The following HABP2 variants were observed in gnomAD, a reference collection of about 807,000 sequenced individuals.
HABP2 encodes hyaluronan binding protein 2, also known as factor VII-activating protease.
Under a neutral mutation model 66.5 loss-of-function variants are expected in HABP2, and 65 were observed. The observed-to-expected ratio is 0.98, with a 90% confidence interval of 0.80 to 1.20. The LOEUF (loss-of-function observed/expected upper bound fraction) is 1.20, where lower values mean the gene tolerates loss of function less well. HABP2 is among the 50% of genes most tolerant of loss of function. The pLI is 0.00. For missense variants in HABP2, 786 were observed against 691.0 expected (o/e 1.14, Z -1.54); for synonymous variants, 263 against 253.9 (o/e 1.04, Z -0.34).
At chr10:113,576,525 C>T (rs558667586) in intron 4 of HABP2, among the ~76,000 whole-genome samples, 1 of 152,292 alleles carries the variant, frequency 6.6e-6, no homozygotes, top group East Asian at 1.9e-4. Context: ...CCAGTGAACT[C>T]TTGTGGGCAT....
upstream of HABP2, among the ~76,000 whole-genome samples, chr10:113,551,537 G>A (rs1481723514): frequency 1.3e-5 from 2 of 152,192 alleles, no homozygotes; most frequent in Non-Finnish European, 2.9e-5. Flanking sequence ...CAGGCGCAGT[G>A]GCTTATGCCT....
intron 10 of HABP2, among the ~76,000 whole-genome samples, chr10:113,583,888 C>A (rs948257734): frequency 2.0e-5 from 3 of 152,308 alleles, no homozygotes; most frequent in Middle Eastern, 3.4e-3. Flanking sequence ...CTTTTTTCCC[C>A]TCTAATGGCC....
chr10:113,574,460 T>C (rs1845372739), intron 3 of HABP2, 55 bp downstream of exon 3: 2 of 845,982 alleles, frequency 2.4e-6, no homozygotes, highest in African/African-American at 1.7e-5. Context: ...GAGCGGAGTG[T>C]ATGTGGGACC....
Position 113,566,907 on chromosome 10 carries a change from A to G in HABP2, c.70-582A>G, listed in dbSNP as rs11575711. ...GGGAGGAGTATGGGAGGAGATTTGT[A>G]GGTCATGGCAGGTGTTTGCATTTTA... On this transcript the variant is annotated intron_variant, in intron 1 of 12. Transcript: ENST00000351270. 5.8e-3 allele frequency among the ~76,000 whole-genome samples: 886 copies of G among 152,238 alleles called. 3 individuals are homozygous for G. Among genetic ancestry groups the G allele is most frequent in the African/African-American group, 0.021 (854 of 41,542 alleles).
rs189867662 is a variant in HABP2, at chr10:113,581,103, G to A, written c.838+411G>A. Among the ~76,000 whole-genome samples the A allele has an allele frequency of 6.2e-4, 94 of 152,264 alleles. 1 individual carries two copies. The highest frequency in any genetic ancestry group is 5.3e-3 in the Admixed American group (81 of 15,290). ...CTTCCTGGCCATCTGTCCTGGCCCCGCTCTGTGCCCACATCTAGAATGATG... is the reference window on the plus strand; with the variant it reads ...CTTCCTGGCCATCTGTCCTGGCCCCACTCTGTGCCCACATCTAGAATGATG... On this transcript the variant is annotated intron_variant, in intron 8 of 12. Transcript: ENST00000351270.
intron 7 of HABP2, among the ~76,000 whole-genome samples, chr10:113,579,101 A>G (rs1469337597): frequency 6.6e-6 from 1 of 151,892 alleles, no homozygotes; most frequent in African/African-American, 2.4e-5. Flanking sequence ...TACCAAAAAA[A>G]AAAAAAAAAT....
intron 3 of HABP2, among the ~76,000 whole-genome samples, chr10:113,575,021 G>A (rs1845383711): frequency 2.7e-5 from 1 of 37,186 alleles, no homozygotes; most frequent in Admixed American, 4.0e-4. Flanking sequence ...CTTAACCCAA[G>A]CAGTGGGACA....
chr10:113,554,664 C>G (rs943566705), intron 1 of HABP2, among the ~76,000 whole-genome samples: 1 of 152,144 alleles, frequency 6.6e-6, no homozygotes, highest in East Asian at 1.9e-4. Context: ...GAGGCCCACG[C>G]GGGGCCCAGA....
Position 113,589,052 on chromosome 10 carries a change from C to T in HABP2, c.*683C>T, listed in dbSNP as rs897019165. On this transcript the variant is annotated 3_prime_UTR_variant, in exon 13 of 13. Coordinates refer to ENST00000351270, the MANE Select transcript of HABP2 (RefSeq NM_004132.5). Reference sequence around the variant, plus strand: ...GGGTTCACCTCCCCACTCTGATGATCTCCAGCCTCCACTGCTTCTGCCCCC... The same window carrying T: ...GGGTTCACCTCCCCACTCTGATGATTTCCAGCCTCCACTGCTTCTGCCCCC... 14 of 1,614,022 alleles carry T rather than the reference C, an allele frequency of 8.7e-6. No individual in the cohort carries two copies. The highest frequency in any genetic ancestry group is 1.2e-5 in the Non-Finnish European group (14 of 1,179,996).
intron 4 of HABP2, among the ~76,000 whole-genome samples, 160 bp downstream of exon 4, chr10:113,576,164 T>C (rs749479271): frequency 6.6e-6 from 1 of 152,218 alleles, no homozygotes; most frequent in Non-Finnish European, 1.5e-5. Context: ...AGCCTCTCAC[T>C]GGATCCTCAC....
In HABP2 at chr10:113,578,661, T is replaced by C. The variant is rs1480981830; in HGVS notation, c.603T>C (p.Ser201=). 6.2e-7 allele frequency: 1 copy of C among 1,613,260 alleles called. No homozygotes were observed. The highest frequency in any genetic ancestry group is 1.1e-5 in the South Asian group (1 of 91,024). The part of the protein sequence containing the change: ...SDDCYVGDGY[S]YRGKMNRTVN... ...ACTGCTATGTTGGCGATGGCTACTC[T>C]TACCGAGGGAAAATGAATAGGACAG... Residue 201 remains serine, a synonymous_variant, in exon 7 of 13, where the codon TCT becomes TCC. Transcript: ENST00000351270.
chr10:113,581,888 C>A lies in HABP2; in HGVS notation c.851C>A (p.Pro284Gln), dbSNP rs767701926. Residue 284 changes from proline to glutamine, a missense_variant, in exon 9 of 13, where the codon CCA becomes CAA. Transcript: ENST00000351270. ...TTGTGTCCCACAGACGTTGCCTACC[C>A]AGAGGAAAGCCCCACTGAGCCATCA... ...SACSAQDVAYPEESPTEPSTK... is the reference protein window; with the variant it reads ...SACSAQDVAYQEESPTEPSTK... The A allele has an allele frequency of 5.6e-6, 9 of 1,614,154 alleles. No homozygotes were observed. In the South Asian group the frequency reaches 8.8e-5, roughly 16 times the overall value.
At position 113,567,634 on chromosome 10, in the gene HABP2, G is replaced by A. The variant is rs541888028; in HGVS notation, c.106+109G>A. The A allele has an allele frequency of 3.2e-5, 26 of 807,780 alleles. No homozygotes were observed. In the African/African-American group the frequency reaches 3.9e-4, roughly 12 times the overall value. 50.0% of individuals were successfully genotyped at this position (807,780 alleles called of 1,614,324 possible). A position where few individuals can be genotyped will look rare whatever the true frequency, so the allele number is the denominator to read the frequency against. On this transcript the variant is annotated intron_variant, in intron 2 of 12. Transcript: ENST00000351270. ...GTTGGAGGGACCTCAGGGTTCAACTGGTTCCAGGTTGTCACAGGCACCTTT... is the reference window on the plus strand; with the variant it reads ...GTTGGAGGGACCTCAGGGTTCAACTAGTTCCAGGTTGTCACAGGCACCTTT...
intron 1 of HABP2, among the ~76,000 whole-genome samples, chr10:113,556,078 T>C (rs980004680): frequency 6.6e-6 from 1 of 152,204 alleles, no homozygotes; most frequent in Non-Finnish European, 1.5e-5. Context: ...GTGCTTTCAA[T>C]TAAAACAATG....
chr10:113,552,901 C>A (rs1844922490), upstream of HABP2: 1 of 461,570 alleles, frequency 2.2e-6, no homozygotes, highest in East Asian at 3.5e-5. Flanking sequence ...AGAAGAGAAA[C>A]CACTTCATGA....
Position 113,588,442 on chromosome 10 carries a change from G to T in HABP2, c.*73G>T. The T allele has an allele frequency of 8.4e-7, 1 of 1,195,510 alleles. No individual in the cohort carries two copies. The highest frequency in any genetic ancestry group is 1.2e-6 in the Non-Finnish European group (1 of 837,986). 74.1% of individuals were successfully genotyped at this position (1,195,510 alleles called of 1,614,324 possible). On this transcript the variant is annotated 3_prime_UTR_variant, in exon 13 of 13. Coordinates refer to ENST00000351270, the MANE Select transcript of HABP2 (RefSeq NM_004132.5). ...ACCGGGAGGCCTCATGGCCAACAAT[G>T]GACACCTCCAGAGCCTCCAGGGGAC... is the stretch of plus-strand genomic sequence containing the variant.
Position 113,580,665 on chromosome 10 carries a change from T to C in HABP2, c.811T>C (p.Cys271Arg). ...CAATGACAAGGTGAAATGGGAATAC[T>C]GTGATGTCTCAGCCTGCTCAGCCCA... ...VTNDKVKWEY[C>R]DVSACSAQDV... is the part of the protein sequence containing the mutation. The change falls in exon 8 of 13, where the codon TGT becomes CGT. Residue 271 changes from cysteine (C) to arginine (R), a missense_variant. Physicochemically the swap from Cys to Arg is radical, Grantham distance 180. Coordinates refer to ENST00000351270, the MANE Select transcript of HABP2 (RefSeq NM_004132.5). 6.3e-7 allele frequency: 1 copy of C among 1,592,688 alleles called. No homozygotes were observed. Among genetic ancestry groups the C allele is most frequent in the Non-Finnish European group, 8.6e-7 (1 of 1,160,448 alleles).
chr10:113,568,384 G>C (rs1414252475), intron 2 of HABP2, among the ~76,000 whole-genome samples: 1 of 152,214 alleles, frequency 6.6e-6, no homozygotes, highest in African/African-American at 2.4e-5. Context: ...GGATTTATTT[G>C]GCACAAAGAT....
chr10:113,554,739 A>C (rs10509980), intron 1 of HABP2, among the ~76,000 whole-genome samples: 54,025 of 152,136 alleles, frequency 0.36, 9,853 homozygotes, highest in Middle Eastern at 0.51. Flanking sequence ...TTGACACGGT[A>C]TGTTTGAAGT....
Sources: gnomAD v4.1 joint callset for allele counts (sites outside exome capture counted in the v4.1 genomes callset) on GRCh38, gnomAD v4.1.1 for gene constraint, MANE v1.5 for transcripts, NCBI Gene and HGNC (gene_info 2026-07-23, HGNC 2026-07-21) for gene names.